Variants in CMSS1 observed in about 807,000 individuals in gnomAD.
The protein encoded by CMSS1 is protein CMSS1.
CMSS1 carries 33 observed loss-of-function variants against 43.5 expected under a neutral mutation model. The ratio of observed to expected loss-of-function variants is 0.76; its 90% CI spans 0.57 to 1.01. CMSS1 has a LOEUF of 1.01. Among genes scored for constraint, CMSS1 ranks in the 50% least tolerant of loss-of-function variants. The probability of loss-of-function intolerance (pLI) is 0.00; values close to 1 mark genes in which losing one functional copy is unlikely to be tolerated. For missense variants in CMSS1, 313 were observed against 326.4 expected (o/e 0.96, Z 0.32); for synonymous variants, 115 against 117.2 (o/e 0.98, Z 0.12).
chr3:100,132,517 C>G (rs1239624045), intron 1 of CMSS1, among the ~76,000 whole-genome samples: 1 of 151,838 alleles, frequency 6.6e-6, no homozygotes, highest in Non-Finnish European at 1.5e-5. Flanking sequence ...TAAGAACATT[C>G]TATGCATATA....
At chr3:100,078,354 A>C (rs962758833) in intron 1 of CMSS1, among the ~76,000 whole-genome samples, 2 of 152,206 alleles carry the variant, frequency 1.3e-5, no homozygotes, top group Non-Finnish European at 2.9e-5. Flanking sequence ...TTTCTGTTAC[A>C]GTTCTTACAT....
intron 5 of CMSS1, among the ~76,000 whole-genome samples, chr3:100,167,109 T>G (rs987943069): frequency 1.1e-4 from 16 of 152,300 alleles, no homozygotes; most frequent in African/African-American, 3.1e-4. Flanking sequence ...TGTTCATTTA[T>G]TCATGGCCAG....
chr3:100,101,761 C>T (rs1319718525), intron 1 of CMSS1, among the ~76,000 whole-genome samples: 1 of 151,876 alleles, frequency 6.6e-6, no homozygotes, highest in Non-Finnish European at 1.5e-5. Flanking sequence ...CTAATGCTAT[C>T]CCTCCCCGCT....
chr3:99,862,336 G>T (rs759605124), intron 1 of CMSS1, among the ~76,000 whole-genome samples: 2 of 152,186 alleles, frequency 1.3e-5, no homozygotes, highest in Non-Finnish European at 2.9e-5. Flanking sequence ...GTAGGGGTCA[G>T]CTGGGGGAAG....
chr3:99,952,758 T>C (rs1040870637), intron 1 of CMSS1, among the ~76,000 whole-genome samples: 11 of 152,184 alleles, frequency 7.2e-5, no homozygotes, highest in African/African-American at 2.7e-4. Context: ...AAACAGTTAT[T>C]ATTAAATTGC....
chr3:100,008,710 T>C (rs1157148981), intron 1 of CMSS1, among the ~76,000 whole-genome samples: 2 of 152,250 alleles, frequency 1.3e-5, no homozygotes, highest in Non-Finnish European at 2.9e-5. Flanking sequence ...AATGTTTGCA[T>C]ATGTTTGCTA....
At position 99,950,614 on chromosome 3, in the gene CMSS1, C is replaced by T. The variant is rs565408309; in HGVS notation, c.64+132571C>T. 7.9e-5 allele frequency among the ~76,000 whole-genome samples: 12 copies of T among 152,288 alleles called. No individual in the cohort carries two copies. In the South Asian group the frequency reaches 1.0e-3, roughly 13 times the overall value. ...GTGCTGTTCCCAGCAGGAAGTGGCC[C>T]ATGGCTGTATGACTATCCCCACTCA... On this transcript the variant is annotated intron_variant, in intron 1 of 9. Coordinates refer to ENST00000421999, the MANE Select transcript of CMSS1 (RefSeq NM_032359.4).
chr3:99,882,890 T>C (rs911587308), intron 1 of CMSS1, among the ~76,000 whole-genome samples: 2 of 152,254 alleles, frequency 1.3e-5, no homozygotes, highest in African/African-American at 2.4e-5. Flanking sequence ...TATAGATTGC[T>C]GCTTATCATC....
chr3:100,038,061 T>C (rs1360583628), intron 1 of CMSS1, among the ~76,000 whole-genome samples: 3 of 151,614 alleles, frequency 2.0e-5, no homozygotes, highest in African/African-American at 7.3e-5. Context: ...TTCAAGCAAT[T>C]CTCCTTGCCT....
chr3:99,850,182 C>G, intron 1 of CMSS1: 1 of 1,611,008 alleles, frequency 6.2e-7, no homozygotes, highest in Non-Finnish European at 8.5e-7. Flanking sequence ...CTACAAACAT[C>G]ACAGTTAATG....
At chr3:99,833,190 A>T in intron 1 of CMSS1, 3 of 1,566,160 alleles carry the variant, frequency 1.9e-6, no homozygotes, top group Non-Finnish European at 2.6e-6. Context: ...GTTCAACATG[A>T]AGACTGGGAT....
chr3:100,177,786 C>T (rs1018065507), intron 9 of CMSS1, among the ~76,000 whole-genome samples: 5 of 151,970 alleles, frequency 3.3e-5, no homozygotes, highest in Admixed American at 1.3e-4. Flanking sequence ...GTTCGAGACC[C>T]GCCTGGACAA....
intron 1 of CMSS1, among the ~76,000 whole-genome samples, chr3:99,923,347 C>A (rs1435082719): frequency 6.6e-6 from 1 of 152,166 alleles, no homozygotes; most frequent in Non-Finnish European, 1.5e-5. Context: ...TCATACTCAA[C>A]ATGTCTAAAC....
At chr3:99,842,198 T>C (rs1194487140) in intron 1 of CMSS1, among the ~76,000 whole-genome samples, 3 of 152,126 alleles carry the variant, frequency 2.0e-5, no homozygotes, top group African/African-American at 7.2e-5. Flanking sequence ...CTGGATGGAA[T>C]TGGAGACTAT....
chr3:100,143,462 C>T (rs888036841), intron 1 of CMSS1, among the ~76,000 whole-genome samples: 2 of 152,088 alleles, frequency 1.3e-5, no homozygotes, highest in East Asian at 3.8e-4. Context: ...GTTTTATGGC[C>T]TAGAATATAG....
At chr3:99,827,082 T>G (rs912085998) in intron 1 of CMSS1, among the ~76,000 whole-genome samples, 1 of 152,252 alleles carries the variant, frequency 6.6e-6, no homozygotes, top group Non-Finnish European at 1.5e-5. Flanking sequence ...GAACTCCAAA[T>G]AGTATTCTCA....
At chr3:99,991,856 G>A (rs527737553) in intron 1 of CMSS1, among the ~76,000 whole-genome samples, 6 of 148,008 alleles carry the variant, frequency 4.1e-5, no homozygotes, top group Non-Finnish European at 9.0e-5. Flanking sequence ...GTGTGTGTGT[G>A]TATGTGTATA....
chr3:100,109,146 C>G (rs2066443999), intron 1 of CMSS1, among the ~76,000 whole-genome samples: 1 of 150,784 alleles, frequency 6.6e-6, no homozygotes, highest in Non-Finnish European at 1.5e-5. Context: ...AATTCTTCCG[C>G]TGTAAATCAA....
intron 1 of CMSS1, among the ~76,000 whole-genome samples, chr3:99,895,616 G>A (rs367948995): frequency 1.3e-4 from 20 of 151,990 alleles, no homozygotes; most frequent in Non-Finnish European, 2.1e-4. Context: ...ATTGGTTTTC[G>A]TATACCAAAA....
Sources: gnomAD v4.1 joint callset for allele counts (sites outside exome capture counted in the v4.1 genomes callset) on GRCh38, gnomAD v4.1.1 for gene constraint, MANE v1.5 for transcripts, NCBI Gene and HGNC (gene_info 2026-07-23, HGNC 2026-07-21) for gene names.